The following ADAMTS14 variants were observed in gnomAD, a reference collection of about 807,000 sequenced individuals.
ADAMTS14 encodes the protein A disintegrin and metalloproteinase with thrombospondin motifs 14.
In ADAMTS14, 100 loss-of-function variants were observed where a neutral mutation model predicts 128.6. The ratio of observed to expected loss-of-function variants is 0.78; its 90% CI spans 0.66 to 0.92. ADAMTS14 has a LOEUF of 0.92. ADAMTS14 is among the 40% of genes least tolerant of loss of function. The pLI, the probability that ADAMTS14 is intolerant of heterozygous loss-of-function variation, is 0.00. For missense variants in ADAMTS14, 1,562 were observed against 1,658.6 expected, an observed-to-expected ratio of 0.94 and a Z score of 1.01; for synonymous variants, 665 against 653.8, an observed-to-expected ratio of 1.02 and a Z score of -0.26.
At chr10:70,726,280 T>C (rs1227967681) in intron 4 of ADAMTS14, among the ~76,000 whole-genome samples, 3 of 152,172 alleles carry the variant, frequency 2.0e-5, no homozygotes, top group Admixed American at 6.5e-5. Flanking sequence ...GCAAGGGTCA[T>C]TGGAGGCTTT....
chr10:70,741,817 T>C (rs1035752473), intron 12 of ADAMTS14, among the ~76,000 whole-genome samples: 9 of 152,204 alleles, frequency 5.9e-5, no homozygotes, highest in African/African-American at 2.2e-4. Context: ...TTTCCAGTGA[T>C]GGCTCCATAG....
At chr10:70,756,970 T>C (rs1842490955) in intron 19 of ADAMTS14, among the ~76,000 whole-genome samples, 9 of 152,080 alleles carry the variant, frequency 5.9e-5, no homozygotes, top group Admixed American at 5.9e-4. Context: ...TAATGATTCA[T>C]CCTGGGAGGA....
intron 4 of ADAMTS14, among the ~76,000 whole-genome samples, chr10:70,715,035 G>T (rs1009928589): frequency 5.9e-5 from 9 of 151,818 alleles, no homozygotes; most frequent in African/African-American, 1.9e-4. Context: ...AGGGAGAAAG[G>T]TTTCTTTAGG....
rs531577190 is a variant in ADAMTS14, at chr10:70,757,897, G to A, written c.2938-65G>A. 182 of 1,525,414 alleles carry A rather than the reference G, an allele frequency of 1.2e-4. No homozygotes were observed. The African/African-American group carries it at 1.6e-3, about 14-fold the overall frequency. The allele number at this position is 1,525,414 out of a possible 1,614,324, so 94.5% of individuals were successfully genotyped here. ...GGCTGGGCTCTGAGCTCACTGACTC[G>A]TCTTTCTTCTCTCCACCTACCCTGA... is the stretch of plus-strand genomic sequence containing the variant. On this transcript the variant is annotated intron_variant, in intron 19 of 21. Coordinates refer to ENST00000373207, the MANE Select transcript of ADAMTS14 (RefSeq NM_080722.4).
intron 3 of ADAMTS14, among the ~76,000 whole-genome samples, chr10:70,704,680 CACAA>C (rs74451551): frequency 0.029 from 4,383 of 148,826 alleles, 212 homozygotes; most frequent in Admixed American, 0.13. Context: ...AACACACGCT[CACAA>C]ACACACACCC....
intron 15 of ADAMTS14, among the ~76,000 whole-genome samples, chr10:70,746,721 G>C (rs1353039791): frequency 6.6e-6 from 1 of 152,234 alleles, no homozygotes; most frequent in Non-Finnish European, 1.5e-5. Flanking sequence ...GACTGAGGCA[G>C]GAGCGTCTCA....
At chr10:70,734,673 T>A (rs143361482) in intron 8 of ADAMTS14, among the ~76,000 whole-genome samples, 19 of 152,264 alleles carry the variant, frequency 1.2e-4, no homozygotes, top group African/African-American at 4.3e-4. Context: ...CCTTGAGGCC[T>A]GAGAATGGGA....
chr10:70,741,755 G>A (rs1307903495), intron 12 of ADAMTS14, among the ~76,000 whole-genome samples: 1 of 152,222 alleles, frequency 6.6e-6, no homozygotes, highest in African/African-American at 2.4e-5. Context: ...CTCCTGTAAA[G>A]AGTCTGAATT....
At chr10:70,735,340 C>T (rs1197924353) in intron 9 of ADAMTS14, 39 bp downstream of exon 9, 10 of 1,607,700 alleles carry the variant, frequency 6.2e-6, no homozygotes, top group Non-Finnish European at 8.5e-6. Context: ...GGTTGGGGGC[C>T]AGGGCAGTGT....
rs111364253 is a variant in ADAMTS14 at position 70,702,924 on chromosome 10, T to A, written c.679+456T>A. On this transcript the variant is annotated intron_variant, in intron 3 of 21. Coordinates refer to ENST00000373207, the MANE Select transcript of ADAMTS14 (RefSeq NM_080722.4). ...CCGTAGACCATTTTACAACCCTACC[T>A]TCAAGTCTGTCTACTGTGTGACCCT... Among the ~76,000 whole-genome samples the A allele has an allele frequency of 2.1e-3, 321 of 152,286 alleles. 1 individual carries two copies. The highest frequency in any genetic ancestry group is 7.4e-3 in the African/African-American group (306 of 41,552).
Position 70,749,729 on chromosome 10 carries a change from G to A in ADAMTS14, c.2264-93G>A. ...AAGGCCGGTGGACAGGAGCCCAGAAGGCTCACTGGGAAGGCCTTGAATTTC... is the reference window on the plus strand; with the variant it reads ...AAGGCCGGTGGACAGGAGCCCAGAAAGCTCACTGGGAAGGCCTTGAATTTC... On this transcript the variant is annotated intron_variant, in intron 15 of 21. Transcript: ENST00000373207. The A allele has an allele frequency of 3.4e-6, 5 of 1,450,216 alleles. 1 individual carries two copies. The South Asian group carries it at 5.4e-5, about 16-fold the overall frequency. 89.8% of individuals were successfully genotyped at this position (1,450,216 alleles called of 1,614,324 possible).
At position 70,730,224 on chromosome 10, in the gene ADAMTS14, C is replaced by A; in HGVS notation, c.1077C>A (p.Leu359=). 6.2e-7 allele frequency: 1 copy of A among 1,614,106 alleles called. No individual in the cohort carries two copies. Among genetic ancestry groups the A allele is most frequent in the Non-Finnish European group, 8.5e-7 (1 of 1,179,980 alleles). The change falls in exon 6 of 22, where the codon CTC becomes CTA. Residue 359 remains leucine (L), a synonymous_variant. Transcript: ENST00000373207. Reference sequence around the variant, plus strand: ...AGCACCATGACCACGTTGTGTTCCTCACCCGGCAGGACTTTGGGCCCTCAG... The same window carrying A: ...AGCACCATGACCACGTTGTGTTCCTAACCCGGCAGGACTTTGGGCCCTCAG... The part of the protein sequence containing the change: ...HAEHHDHVVF[L]TRQDFGPSGY...
intron 8 of ADAMTS14, among the ~76,000 whole-genome samples, chr10:70,734,449 C>A (rs990479042): frequency 6.6e-6 from 1 of 152,164 alleles, no homozygotes; most frequent in Non-Finnish European, 1.5e-5. Flanking sequence ...CTGGCCCCAG[C>A]CCCCAGAGCT....
chr10:70,684,263 A>G (rs1391340262), intron 2 of ADAMTS14, among the ~76,000 whole-genome samples: 1 of 152,112 alleles, frequency 6.6e-6, no homozygotes, highest in African/African-American at 2.4e-5. Flanking sequence ...CTGTGATTCA[A>G]TCACCTCCTA....
chr10:70,700,769 G>C (rs932255242), intron 2 of ADAMTS14, among the ~76,000 whole-genome samples: 1 of 152,158 alleles, frequency 6.6e-6, no homozygotes, highest in Non-Finnish European at 1.5e-5. Context: ...TCATAGCACC[G>C]GGCAGGACGT....
In ADAMTS14 at chr10:70,748,078, C is replaced by T. The variant is rs140229835; in HGVS notation, c.2264-1744C>T. ...ACTCATGCTGTTAATATCTCCCATG[C>T]GCTGGGCCATGAGCTGCCACTTTTC... On this transcript the variant is annotated intron_variant, in intron 15 of 21. Coordinates refer to ENST00000373207, the MANE Select transcript of ADAMTS14 (RefSeq NM_080722.4). Among the ~76,000 whole-genome samples, 57 of 152,198 alleles carry T rather than the reference C, an allele frequency of 3.7e-4. No homozygotes were observed. In the East Asian group the frequency reaches 8.5e-3, roughly 23 times the overall value.
chr10:70,711,782 G>A (rs1405840339), intron 4 of ADAMTS14, among the ~76,000 whole-genome samples: 1 of 152,090 alleles, frequency 6.6e-6, no homozygotes, highest in Non-Finnish European at 1.5e-5. Context: ...GGTAAACGTG[G>A]AGGCGAATGG....
chr10:70,698,151 A>T lies in ADAMTS14; in HGVS notation c.523-4161A>T, dbSNP rs1487443392. Among the ~76,000 whole-genome samples, 4 of 152,188 alleles carry T rather than the reference A, an allele frequency of 2.6e-5. No homozygotes were observed. The East Asian group carries it at 5.8e-4, about 22-fold the overall frequency. Reference sequence around the variant, plus strand: ...TCTAGTACATATTTCCTATTTGTTTACTGTTTGTAAAAGAATAAGATATAG... The same window carrying T: ...TCTAGTACATATTTCCTATTTGTTTTCTGTTTGTAAAAGAATAAGATATAG... On this transcript the variant is annotated intron_variant, in intron 2 of 21. Transcript: ENST00000373207.
chr10:70,719,574 AT>A (rs1241539492), intron 4 of ADAMTS14, among the ~76,000 whole-genome samples: 7 of 143,626 alleles, frequency 4.9e-5, no homozygotes, highest in Admixed American at 1.4e-4. Flanking sequence ...GCTAATTTTT[AT>A]TTTTTTTTTT....
Sources: gnomAD v4.1 joint callset for allele counts (sites outside exome capture counted in the v4.1 genomes callset) on GRCh38, gnomAD v4.1.1 for gene constraint, MANE v1.5 for transcripts, NCBI Gene and HGNC (gene_info 2026-07-23, HGNC 2026-07-21) for gene names.